Variants in LRRTM4 observed in about 807,000 individuals in gnomAD.
LRRTM4 encodes the protein leucine rich repeat transmembrane neuronal 4.
Under a neutral mutation model 47.6 loss-of-function variants are expected in LRRTM4, and 25 were observed. The ratio of observed to expected loss-of-function variants is 0.53; its 90% confidence interval spans 0.38 to 0.73. The LOEUF is 0.73. Among genes scored for constraint, LRRTM4 ranks in the 30% least tolerant of loss-of-function variants. The pLI is 0.00. For missense variants in LRRTM4, 638 were observed against 713.4 expected (o/e 0.89, Z 1.20); for synonymous variants, 311 against 269.5 (o/e 1.15, Z -1.51).
At chr2:76,858,873 C>T (rs1256387426) in intron 3 of LRRTM4, among the ~76,000 whole-genome samples, 1 of 152,110 alleles carries the variant, frequency 6.6e-6, no homozygotes, top group African/African-American at 2.4e-5. Flanking sequence ...CTATGCTACA[C>T]TGAATAGTTC....
rs191342753 is a variant in LRRTM4, at chr2:77,418,901, T to C, written c.1551+99417A>G. ...CTCCATAGCATTTACAGGCTTCCAC[T>C]ATACAATGGCATTTATTTACTGTGG... On this transcript the variant is annotated intron_variant, in intron 3 of 3. Coordinates refer to ENST00000409884, the MANE Select transcript of LRRTM4 (RefSeq NM_001134745.3). Among the ~76,000 whole-genome samples the C allele has an allele frequency of 3.1e-3, 473 of 152,330 alleles. 4 individuals are homozygous for C. The highest frequency in any genetic ancestry group is 0.011 in the African/African-American group (439 of 41,580).
At chr2:77,490,461 T>C (rs896445920) in intron 3 of LRRTM4, among the ~76,000 whole-genome samples, 1 of 151,926 alleles carries the variant, frequency 6.6e-6, no homozygotes, top group Non-Finnish European at 1.5e-5. Flanking sequence ...AAACACAATA[T>C]CTCTACAGAG....
At chr2:77,002,065 C>G (rs1677450815) in intron 3 of LRRTM4, among the ~76,000 whole-genome samples, 1 of 152,168 alleles carries the variant, frequency 6.6e-6, no homozygotes, top group African/African-American at 2.4e-5. Flanking sequence ...TAACATTTTA[C>G]TCTCTTAGAA....
At chr2:77,052,367 T>C (rs79633141) in intron 3 of LRRTM4, among the ~76,000 whole-genome samples, 1 of 151,656 alleles carries the variant, frequency 6.6e-6, no homozygotes, top group Non-Finnish European at 1.5e-5. Context: ...ATGGGTTTCA[T>C]CATGTTTACC....
intron 3 of LRRTM4, among the ~76,000 whole-genome samples, chr2:77,001,912 T>C (rs988654525): frequency 6.6e-6 from 1 of 152,144 alleles, no homozygotes; most frequent in Non-Finnish European, 1.5e-5. Flanking sequence ...ACCCCTCCTG[T>C]TAAACCTCCT....
chr2:77,220,130 C>T (rs901714468), intron 3 of LRRTM4, among the ~76,000 whole-genome samples: 11 of 152,162 alleles, frequency 7.2e-5, no homozygotes, highest in South Asian at 2.1e-4. Context: ...CTCCAACAGA[C>T]GTGCAGCTGA....
At chr2:76,982,691 A>G (rs1315648846) in intron 3 of LRRTM4, among the ~76,000 whole-genome samples, 1 of 152,030 alleles carries the variant, frequency 6.6e-6, no homozygotes, top group East Asian at 1.9e-4. Context: ...CTGTACAAGC[A>G]AAGTCTGAAA....
chr2:76,940,199 T>C (rs529084408), intron 3 of LRRTM4, among the ~76,000 whole-genome samples: 1 of 152,284 alleles, frequency 6.6e-6, no homozygotes, highest in East Asian at 1.9e-4. Flanking sequence ...TGTATGTTCA[T>C]GGCAGCCCTA....
intron 3 of LRRTM4, among the ~76,000 whole-genome samples, chr2:77,061,708 A>G (rs1679791376): frequency 1.3e-5 from 2 of 152,178 alleles, no homozygotes; most frequent in South Asian, 4.1e-4. Flanking sequence ...ATTATCCTCC[A>G]TATTGAAAGA....
chr2:76,878,627 G>C (rs956133059), intron 3 of LRRTM4, among the ~76,000 whole-genome samples: 2 of 152,088 alleles, frequency 1.3e-5, no homozygotes, highest in Non-Finnish European at 2.9e-5. Flanking sequence ...CCAGCACTTT[G>C]GTAGTCCCAG....
chr2:77,050,128 CTTTTTTT>C (rs745419725), intron 3 of LRRTM4, among the ~76,000 whole-genome samples: 3 of 112,698 alleles, frequency 2.7e-5, no homozygotes, highest in African/African-American at 1.1e-4. Context: ...AGAACCAAGT[CTTTTTTT>C]TTTTTTTTTT....
chr2:77,161,550 C>T (rs1305315398), intron 3 of LRRTM4, among the ~76,000 whole-genome samples: 1 of 152,128 alleles, frequency 6.6e-6, no homozygotes, highest in Non-Finnish European at 1.5e-5. Context: ...CAGGTGGTAA[C>T]AGCTTTTCTT....
rs1210449677 is a variant in LRRTM4 at position 76,837,542 on chromosome 2, C to A, written c.1552-88626G>T. Among the ~76,000 whole-genome samples, 4 of 152,224 alleles carry A rather than the reference C, an allele frequency of 2.6e-5. No individual in the cohort carries two copies. The South Asian group carries it at 8.3e-4, about 32-fold the overall frequency. ...AGTGCTATAAATTTCCCTCTATACA[C>A]TGCTTTGAATGTGTCCCAGAGATTC... On this transcript the variant is annotated intron_variant, in intron 3 of 3. Transcript: ENST00000409884.
At chr2:77,068,746 C>T (rs1680046281) in intron 3 of LRRTM4, among the ~76,000 whole-genome samples, 1 of 152,172 alleles carries the variant, frequency 6.6e-6, no homozygotes, top group Non-Finnish European at 1.5e-5. Flanking sequence ...GGAACAGGCC[C>T]CCCAAAATCT....
intron 3 of LRRTM4, among the ~76,000 whole-genome samples, chr2:77,011,260 CTTG>C (rs1258161492): frequency 2.0e-5 from 3 of 152,092 alleles, no homozygotes; most frequent in Non-Finnish European, 4.4e-5. Context: ...CATTTACATT[CTTG>C]TTTTCACACT....
chr2:77,471,586 T>C (rs539932856), intron 3 of LRRTM4, among the ~76,000 whole-genome samples: 1 of 152,184 alleles, frequency 6.6e-6, no homozygotes, highest in Middle Eastern at 3.2e-3. Flanking sequence ...ACTTTAGCCA[T>C]GTGGTCTCCT....
chr2:76,882,097 G>A (rs532731597), intron 3 of LRRTM4, among the ~76,000 whole-genome samples: 32 of 151,958 alleles, frequency 2.1e-4, no homozygotes, highest in Non-Finnish European at 3.8e-4. Flanking sequence ...TCAGACTTCT[G>A]TAACTTCCGT....
intron 3 of LRRTM4, among the ~76,000 whole-genome samples, chr2:77,080,973 A>C (rs921059621): frequency 3.9e-5 from 6 of 152,010 alleles, no homozygotes; most frequent in Non-Finnish European, 7.4e-5. Flanking sequence ...TTCCCAACCA[A>C]TTCCCACAAC....
chr2:77,252,421 C>A (rs75101710), intron 3 of LRRTM4, among the ~76,000 whole-genome samples: 8,319 of 152,176 alleles, frequency 0.055, 285 homozygotes, highest in Middle Eastern at 0.1. Context: ...CATGCCCTAA[C>A]CAACTTAGTG....
Sources: gnomAD v4.1 joint callset for allele counts (sites outside exome capture counted in the v4.1 genomes callset) on GRCh38, gnomAD v4.1.1 for gene constraint, MANE v1.5 for transcripts, NCBI Gene and HGNC (gene_info 2026-07-23, HGNC 2026-07-21) for gene names.